Variants in MDN1 observed in about 807,000 individuals in gnomAD.
MDN1 encodes the protein midasin AAA ATPase 1.
Under a neutral mutation model 669.2 loss-of-function variants are expected in MDN1, and 266 were observed. That is an observed-to-expected ratio of 0.40 (90% CI 0.36 to 0.44). The LOEUF (loss-of-function observed/expected upper bound fraction) is 0.44. Among genes scored for constraint, MDN1 ranks in the 20% least tolerant of loss-of-function variants. The pLI is 1.00. For missense variants in MDN1, 5,940 were observed against 6,754.0 expected (o/e 0.88, Z 4.22); for synonymous variants, 2,385 against 2,457.1 (o/e 0.97, Z 0.87).
intron 52 of MDN1, among the ~76,000 whole-genome samples, chr6:89,706,720 C>T (rs527955602): frequency 1.0e-3 from 152 of 151,516 alleles, no homozygotes; most frequent in African/African-American, 3.4e-3. Context: ...TAATGTCTCA[C>T]GGAAAAATGC....
chr6:89,732,904 T>A, intron 33 of MDN1, 129 bp from the exon 34 acceptor site: 1 of 712,852 alleles, frequency 1.4e-6, no homozygotes, highest in Non-Finnish European at 2.3e-6. Flanking sequence ...TGTGAATGAA[T>A]GTACATAAAT....
rs372849379 is a variant in MDN1 at position 89,756,695 on chromosome 6, G to A, written c.2703-305C>T. ...CCCAGCACTTTGGGAGGCCGAGGCC[G>A]GTGGATCACGAGGTCAGGAGATGGA... On this transcript the variant is annotated intron_variant, in intron 19 of 101. Coordinates refer to ENST00000369393, the MANE Select transcript of MDN1 (RefSeq NM_014611.3). Among the ~76,000 whole-genome samples the A allele has an allele frequency of 2.5e-4, 38 of 152,280 alleles. No individual in the cohort carries two copies. In the South Asian group the frequency reaches 5.4e-3, roughly 22 times the overall value.
chr6:89,797,214 A>G (rs1819653687), intron 2 of MDN1, among the ~76,000 whole-genome samples: 1 of 151,838 alleles, frequency 6.6e-6, no homozygotes. Flanking sequence ...TACTAAAAAT[A>G]CAAAAATTAG....
chr6:89,810,519 A>G (rs1463296531), intron 1 of MDN1, among the ~76,000 whole-genome samples: 1 of 152,220 alleles, frequency 6.6e-6, no homozygotes, highest in Non-Finnish European at 1.5e-5. Flanking sequence ...GTCCAAGATC[A>G]GGGTGTCAGC....
chr6:89,763,587 T>G (rs1470828816), intron 15 of MDN1, among the ~76,000 whole-genome samples: 1 of 152,186 alleles, frequency 6.6e-6, no homozygotes, highest in African/African-American at 2.4e-5. Flanking sequence ...TAGAAAATCT[T>G]AAGTACCCAA....
intron 37 of MDN1, among the ~76,000 whole-genome samples, chr6:89,726,413 G>A (rs1217681931): frequency 6.9e-6 from 1 of 145,822 alleles, no homozygotes; most frequent in African/African-American, 2.6e-5. Flanking sequence ...ACAATGAGCC[G>A]AGAACCCACC....
rs749214777 is a variant in MDN1, at chr6:89,668,124, C to G, written c.13984G>C (p.Glu4662Gln). Residue 4662 changes from glutamate to glutamine, a missense_variant, in exon 84 of 102, where the codon GAA becomes CAA. Glu to Gln is a conservative substitution (Grantham distance 29, BLOSUM62 2). Around this residue, in one of 5 missense-constraint regions of MDN1, gnomAD observed 2,280 missense variants for 2,576.3 expected, o/e 0.88. Coordinates refer to ENST00000369393, the MANE Select transcript of MDN1 (RefSeq NM_014611.3). ...GTTGCTCCCTCTCCAGCTGAATCTTCCATAAATTCTTTGGGCAAGCAAAAT... is the reference window on the plus strand; with the variant it reads ...GTTGCTCCCTCTCCAGCTGAATCTTGCATAAATTCTTTGGGCAAGCAAAAT... ...KGFCLPKEFM[E>Q]DSAGEGATEF... is the part of the protein sequence containing the mutation. The G allele has an allele frequency of 2.5e-6, 4 of 1,614,044 alleles. No homozygotes were observed. In the South Asian group the frequency reaches 3.3e-5, roughly 13 times the overall value.
chr6:89,794,846 G>T, intron 2 of MDN1, 45 bp from the exon 3 acceptor site: 1 of 1,532,228 alleles, frequency 6.5e-7, no homozygotes, highest in South Asian at 1.1e-5. Context: ...AACAATGGTT[G>T]GACTTAATTT....
rs762467634 is a variant in MDN1, at chr6:89,664,548, A to G, written c.14175T>C (p.Asn4725=). The change falls in exon 85 of 102, where the codon AAT becomes AAC. Residue 4725 remains asparagine, a synonymous_variant. Coordinates refer to ENST00000369393, the MANE Select transcript of MDN1 (RefSeq NM_014611.3). ...DSKSDIKGED[N]AIEMSEDFDG... ...CAAAATCTTCCGACATCTCAATGGC[A>G]TTATCCTCGCCCTTAATATCAGATT... The G allele has an allele frequency of 2.5e-6, 4 of 1,614,040 alleles. No homozygotes were observed. The highest frequency in any genetic ancestry group is 3.4e-6 in the Non-Finnish European group (4 of 1,179,896).
At chr6:89,796,324 C>CAAAAAAAAAAAAAAAAAAAAAAA (rs35169575) in intron 2 of MDN1, among the ~76,000 whole-genome samples, 3 of 45,378 alleles carry the variant, frequency 6.6e-5, no homozygotes, top group African/African-American at 1.5e-4. Context: ...AACTCTGTCT[C>CAAAAAAAAAAAAAAAAAAAAAAA]AAAAAAAAAA....
At chr6:89,672,091 G>A in intron 82 of MDN1, 109 bp downstream of exon 82, 1 of 1,136,486 alleles carries the variant, frequency 8.8e-7, no homozygotes, top group Non-Finnish European at 1.2e-6. Flanking sequence ...AGTGATTTTG[G>A]CACTGAGGCC....
At position 89,666,101 on chromosome 6, in the gene MDN1, C is replaced by G. The variant is rs560147504; in HGVS notation, c.14095-1473G>C. 6.6e-5 allele frequency among the ~76,000 whole-genome samples: 10 copies of G among 152,296 alleles called. No individual in the cohort carries two copies. The South Asian group carries it at 1.7e-3, about 25-fold the overall frequency. Reference sequence around the variant, plus strand: ...CATAACACCTCCATCCTCGAAGCCTCTCAAAGAATGACTACCAACAACATT... The same window carrying G: ...CATAACACCTCCATCCTCGAAGCCTGTCAAAGAATGACTACCAACAACATT... On this transcript the variant is annotated intron_variant, in intron 84 of 101. Transcript: ENST00000369393.
At position 89,674,880 on chromosome 6, in the gene MDN1, G is replaced by A. The variant is rs141896044; in HGVS notation, c.12762-291C>T. On this transcript the variant is annotated intron_variant, in intron 78 of 101. Coordinates refer to ENST00000369393, the MANE Select transcript of MDN1 (RefSeq NM_014611.3). ...CTTTGCTAAATAAACCCTAATGAAT[G>A]GAGCAGAAAATACCTGAAGCTAAAG... Among the ~76,000 whole-genome samples, 233 of 152,204 alleles carry A rather than the reference G, an allele frequency of 1.5e-3. 1 individual carries two copies. Among genetic ancestry groups the A allele is most frequent in the African/African-American group, 5.3e-3 (222 of 41,530 alleles).
At chr6:89,753,018 G>T (rs1817035644) in intron 22 of MDN1, among the ~76,000 whole-genome samples, 1 of 151,942 alleles carries the variant, frequency 6.6e-6, no homozygotes, top group East Asian at 1.9e-4. Flanking sequence ...AGCTACTCGG[G>T]AGGCTGAGAC....
At chr6:89,787,717 G>A in intron 8 of MDN1, 137 bp downstream of exon 8, 2 of 601,648 alleles carry the variant, frequency 3.3e-6, no homozygotes, top group African/African-American at 1.9e-5. Context: ...GGAATGAGAA[G>A]GTTAGACCTG....
At chr6:89,682,699 T>TAAAAAA (rs143107841) in intron 73 of MDN1, among the ~76,000 whole-genome samples, 4 of 96,858 alleles carry the variant, frequency 4.1e-5, no homozygotes, top group East Asian at 2.3e-4. Flanking sequence ...GACTCTGTCT[T>TAAAAAA]AAAAAAAAAA....
intron 99 of MDN1, among the ~76,000 whole-genome samples, chr6:89,647,092 A>C (rs543043848): frequency 6.6e-6 from 1 of 152,318 alleles, no homozygotes; most frequent in East Asian, 1.9e-4. Context: ...TAGATGATAC[A>C]GGCATTCTCA....
In MDN1 at chr6:89,674,163, T is replaced by A. The variant is rs1479679073; in HGVS notation, c.13188A>T (p.Thr4396=). The A allele has an allele frequency of 1.2e-6, 2 of 1,614,252 alleles. No individual in the cohort carries two copies. The highest frequency in any genetic ancestry group is 2.7e-5 in the African/African-American group (2 of 75,070). Reference sequence around the variant, plus strand: ...TAATTTTGTCGACGTCAGCTTTCACTGTTTTAATGGTTTTTAGCATCTCTG... The same window carrying A: ...TAATTTTGTCGACGTCAGCTTTCACAGTTTTAATGGTTTTTAGCATCTCTG... ...RLTEMLKTIK[T]VKADVDKIRQ... The change falls in exon 79 of 102, where the codon ACA becomes ACT. Residue 4396 remains threonine, a synonymous_variant. Coordinates refer to ENST00000369393, the MANE Select transcript of MDN1 (RefSeq NM_014611.3).
At chr6:89,729,951 T>C (rs908557493) in intron 35 of MDN1, among the ~76,000 whole-genome samples, 2 of 152,166 alleles carry the variant, frequency 1.3e-5, no homozygotes, top group Admixed American at 1.3e-4. Flanking sequence ...CTGGACTGGT[T>C]ATGTTCACCA....
Sources: gnomAD v4.1 joint callset for allele counts (sites outside exome capture counted in the v4.1 genomes callset) on GRCh38, gnomAD v4.1.1 for gene constraint, gnomAD v4.1.1 regional missense constraint, MANE v1.5 for transcripts, NCBI Gene and HGNC (gene_info 2026-07-23, HGNC 2026-07-21) for gene names.